The following ROBO2 variants were observed in gnomAD, a reference collection of about 807,000 sequenced individuals.
ROBO2 encodes the protein roundabout homolog 2.
In ROBO2, 53 loss-of-function variants were observed where a neutral mutation model predicts 160.8. The observed-to-expected ratio is 0.33, with a 90% confidence interval of 0.26 to 0.41. ROBO2 has a LOEUF of 0.41. Among genes scored for constraint, ROBO2 ranks in the 10% least tolerant of loss-of-function variants. The pLI, the probability that ROBO2 is intolerant of heterozygous loss-of-function variation, is 1.00. For missense variants in ROBO2, 1,577 were observed against 1,722.4 expected (o/e 0.92, Z 1.49); for synonymous variants, 664 against 611.7 (o/e 1.09, Z -1.26).
chr3:77,202,960 G>A (rs1336419392), intron 2 of ROBO2, among the ~76,000 whole-genome samples: 3 of 152,202 alleles, frequency 2.0e-5, no homozygotes, highest in Non-Finnish European at 4.4e-5. Context: ...TATCCACAGT[G>A]TATTTTAGCA....
At chr3:77,601,811 G>C (rs964224196) in intron 19 of ROBO2, among the ~76,000 whole-genome samples, 5 of 152,174 alleles carry the variant, frequency 3.3e-5, no homozygotes, top group Admixed American at 1.3e-4. Flanking sequence ...ATGTCTCTTG[G>C]GATAAAGTGG....
chr3:77,584,923 CAT>C (rs984662587), intron 16 of ROBO2, among the ~76,000 whole-genome samples: 1 of 146,638 alleles, frequency 6.8e-6, no homozygotes, highest in African/African-American at 2.5e-5. Flanking sequence ...TACACACATA[CAT>C]ATATATACAT....
chr3:77,370,610 C>G (rs191640225), intron 2 of ROBO2, among the ~76,000 whole-genome samples: 1 of 152,236 alleles, frequency 6.6e-6, no homozygotes, highest in Non-Finnish European at 1.5e-5. Context: ...CAGCAAACCA[C>G]GGCCACATGC....
chr3:76,832,966 C>T (rs1362534634), intron 2 of ROBO2, among the ~76,000 whole-genome samples: 1 of 152,004 alleles, frequency 6.6e-6, no homozygotes, highest in African/African-American at 2.4e-5. Context: ...TCATACAAGT[C>T]CAGGCACAAT....
At position 77,237,410 on chromosome 3, in the gene ROBO2, T is replaced by TG. The variant is rs1187318198; in HGVS notation, c.388+139070_388+139071insG. On this transcript the variant is annotated intron_variant, in intron 2 of 25. Transcript: ENST00000461745. ...TTTTCCTGTTTTTGTTTTGTTTTGT[T>TG]TTGTGTGTGTGTGTGTGTGTGTGTG... is the stretch of plus-strand genomic sequence containing the variant. 1.0e-2 allele frequency among the ~76,000 whole-genome samples: 1,076 copies of TG among 108,064 alleles called. 16 individuals carry two copies. Among genetic ancestry groups the TG allele is most frequent in the African/African-American group, 0.039 (1,021 of 25,956 alleles). 70.9% of individuals were successfully genotyped at this position (108,064 alleles called of 152,430 possible). A position where few individuals can be genotyped will look rare whatever the true frequency, so the allele number is the denominator to read the frequency against.
At chr3:77,193,508 AT>A (rs1417079637) in intron 2 of ROBO2, among the ~76,000 whole-genome samples, 4 of 150,252 alleles carry the variant, frequency 2.7e-5, no homozygotes, top group African/African-American at 9.8e-5. Context: ...TCAGACTTCT[AT>A]CTAACCTCAA....
intron 2 of ROBO2, among the ~76,000 whole-genome samples, chr3:76,908,425 A>G (rs2075760011): frequency 6.6e-6 from 1 of 152,186 alleles, no homozygotes; most frequent in African/African-American, 2.4e-5. Context: ...ACCCAGATAT[A>G]TCAGTCATTG....
At chr3:76,942,741 G>A (rs2078274470) in intron 2 of ROBO2, among the ~76,000 whole-genome samples, 3 of 151,946 alleles carry the variant, frequency 2.0e-5, no homozygotes, top group Admixed American at 2.0e-4. Flanking sequence ...CTTTGACATT[G>A]AACACTTCAC....
At chr3:77,557,895 A>G (rs2093178742) in intron 8 of ROBO2, 49 bp from the exon 10 acceptor site, 7 of 1,436,104 alleles carry the variant, frequency 4.9e-6, no homozygotes, top group Non-Finnish European at 5.8e-6. Context: ...TATCAAGCCT[A>G]CTGAACTACA....
chr3:76,909,237 G>C (rs980555253), intron 2 of ROBO2, among the ~76,000 whole-genome samples: 1 of 152,114 alleles, frequency 6.6e-6, no homozygotes, highest in African/African-American at 2.4e-5. Flanking sequence ...AAACTTTTGA[G>C]ACATTGACCT....
intron 2 of ROBO2, among the ~76,000 whole-genome samples, chr3:75,968,691 C>G (rs182761230): frequency 6.6e-6 from 1 of 151,548 alleles, no homozygotes; most frequent in Non-Finnish European, 1.5e-5. Context: ...CTTACTCATC[C>G]TACATGACTG....
intron 2 of ROBO2, among the ~76,000 whole-genome samples, chr3:77,192,199 T>A (rs1476015413): frequency 1.3e-5 from 2 of 152,234 alleles, no homozygotes; most frequent in African/African-American, 4.8e-5. Flanking sequence ...ATATTCTCAA[T>A]GATATTATTC....
At chr3:76,157,577 AGTG>A (rs1485979587) in intron 2 of ROBO2, among the ~76,000 whole-genome samples, 1 of 152,090 alleles carries the variant, frequency 6.6e-6, no homozygotes, top group Admixed American at 6.6e-5. Context: ...ATGTGAGAGA[AGTG>A]GTGGTTCTCA....
intron 2 of ROBO2, among the ~76,000 whole-genome samples, chr3:76,930,066 C>T (rs964128609): frequency 2.6e-5 from 4 of 152,108 alleles, no homozygotes; most frequent in Non-Finnish European, 5.9e-5. Context: ...CTCTGTCACC[C>T]GGGCTGGAGT....
At chr3:76,603,128 G>C (rs1002699628) in intron 2 of ROBO2, among the ~76,000 whole-genome samples, 1 of 151,050 alleles carries the variant, frequency 6.6e-6, no homozygotes, top group Non-Finnish European at 1.5e-5. Context: ...TCAGGAGATC[G>C]AGACCATCCT....
chr3:76,684,476 A>G (rs962537524), intron 2 of ROBO2, among the ~76,000 whole-genome samples: 4 of 152,144 alleles, frequency 2.6e-5, no homozygotes, highest in African/African-American at 7.2e-5. Flanking sequence ...GGGCAATACT[A>G]AATTGATTTT....
In ROBO2 at chr3:76,051,522, G is replaced by C. The variant is rs544478148; in HGVS notation, c.109+113920G>C. 8.9e-4 allele frequency among the ~76,000 whole-genome samples: 135 copies of C among 152,208 alleles called. 1 individual carries two copies. The highest frequency in any genetic ancestry group is 3.1e-3 in the African/African-American group (129 of 41,560). ...CTGAAATAAGCTTCTTGTAATGGGC[G>C]TGAATTATTTTTTGTGGCTTGCAGA... On this transcript the variant is annotated intron_variant, in intron 2 of 26. Transcript: ENST00000487694.
intron 2 of ROBO2, among the ~76,000 whole-genome samples, chr3:76,024,371 A>AT (rs36023414): frequency 2.9e-4 from 44 of 149,616 alleles, no homozygotes; most frequent in Non-Finnish European, 4.3e-4. Context: ...TTTAGAACTT[A>AT]TTTTTTTTTT....
chr3:77,426,662 G>A (rs569245237), intron 2 of ROBO2, among the ~76,000 whole-genome samples: 3 of 142,604 alleles, frequency 2.1e-5, no homozygotes, highest in Non-Finnish European at 4.6e-5. Context: ...AAAAAGAATA[G>A]CTGATATCAT....
Sources: gnomAD v4.1 joint callset for allele counts (sites outside exome capture counted in the v4.1 genomes callset) on GRCh38, gnomAD v4.1.1 for gene constraint, MANE v1.5 for transcripts, NCBI Gene and HGNC (gene_info 2026-07-23, HGNC 2026-07-21) for gene names.